Variants in PTPRD observed in about 807,000 individuals in gnomAD.
The protein encoded by PTPRD is receptor-type tyrosine-protein phosphatase delta.
A neutral mutation model predicts 214.5 loss-of-function variants in PTPRD; 34 were observed. The observed-to-expected ratio is 0.16, with a 90% CI of 0.12 to 0.21. PTPRD has a LOEUF of 0.21. PTPRD is among the 10% of genes least tolerant of loss of function. The pLI, the probability that PTPRD is intolerant of heterozygous loss-of-function variation, is 1.00. For synonymous variants in PTPRD, 1,128 were observed against 845.7 expected, an observed-to-expected ratio of 1.33 and a Z score of -5.79; for missense variants, 2,545 against 2,398.7, an observed-to-expected ratio of 1.06 and a Z score of -1.27.
chr9:9,101,830 T>C (rs572108420), intron 10 of PTPRD, among the ~76,000 whole-genome samples: 4 of 152,232 alleles, frequency 2.6e-5, no homozygotes, highest in Non-Finnish European at 5.9e-5. Context: ...ATCATACATA[T>C]AGAAAATCTT....
At chr9:9,156,724 C>T (rs569636088) in intron 10 of PTPRD, among the ~76,000 whole-genome samples, 1 of 148,294 alleles carries the variant, frequency 6.7e-6, no homozygotes, top group African/African-American at 2.4e-5. Context: ...CTCTTTCCAT[C>T]TTAGGGTTCT....
chr9:9,451,260 C>T (rs1293985866), intron 8 of PTPRD, among the ~76,000 whole-genome samples: 1 of 151,666 alleles, frequency 6.6e-6, no homozygotes, highest in Non-Finnish European at 1.5e-5. Flanking sequence ...GGAACAGCAA[C>T]TCAGTATAAG....
intron 9 of PTPRD, among the ~76,000 whole-genome samples, chr9:9,368,241 C>T (rs1392222293): frequency 1.3e-5 from 2 of 151,734 alleles, no homozygotes; most frequent in Non-Finnish European, 2.9e-5. Flanking sequence ...CATTATTGGG[C>T]CTTATCTCCT....
At chr9:8,810,055 A>G (rs2096770154) in intron 11 of PTPRD, among the ~76,000 whole-genome samples, 1 of 152,214 alleles carries the variant, frequency 6.6e-6, no homozygotes, top group South Asian at 2.1e-4. Context: ...CCTAATGGAT[A>G]TGACAAACAT....
intron 3 of PTPRD, among the ~76,000 whole-genome samples, chr9:10,270,236 T>A (rs2094341596): frequency 9.3e-6 from 1 of 107,820 alleles, no homozygotes; most frequent in South Asian, 3.0e-4. Context: ...GATTATTATA[T>A]CATAAATGTT....
At chr9:8,585,837 G>A (rs551134507) in intron 14 of PTPRD, among the ~76,000 whole-genome samples, 4 of 152,262 alleles carry the variant, frequency 2.6e-5, no homozygotes, top group African/African-American at 9.6e-5. Context: ...CTATGAGGTA[G>A]ACTATGTTCT....
chr9:9,833,904 T>A (rs1430339402), intron 5 of PTPRD, among the ~76,000 whole-genome samples: 1 of 152,042 alleles, frequency 6.6e-6, no homozygotes, highest in African/African-American at 2.4e-5. Flanking sequence ...TGTCCACATT[T>A]CATATTGCTC....
intron 4 of PTPRD, among the ~76,000 whole-genome samples, chr9:9,967,461 G>C (rs1190674629): frequency 1.3e-5 from 2 of 152,282 alleles, no homozygotes; most frequent in African/African-American, 2.4e-5. Flanking sequence ...CATTGGTTGA[G>C]AGAGGGAAGG....
At chr9:8,724,358 A>G (rs1416105207) in intron 12 of PTPRD, among the ~76,000 whole-genome samples, 1 of 152,174 alleles carries the variant, frequency 6.6e-6, no homozygotes, top group Non-Finnish European at 1.5e-5. Flanking sequence ...ATTTTAAAAA[A>G]TGTTTAAGTG....
Position 9,234,350 on chromosome 9 carries a change from C to T in PTPRD, c.-202-50987G>A, listed in dbSNP as rs545278255. 4.0e-4 allele frequency among the ~76,000 whole-genome samples: 61 copies of T among 152,274 alleles called. 2 individuals are homozygous for T. In the South Asian group the frequency reaches 0.012, roughly 31 times the overall value. Reference sequence around the variant, plus strand: ...CTGAGGATGCATAGAGTGGGCGGGCCCTGGGCCCAGCCCATGAAACCATTT... The same window carrying T: ...CTGAGGATGCATAGAGTGGGCGGGCTCTGGGCCCAGCCCATGAAACCATTT... On this transcript the variant is annotated intron_variant, in intron 9 of 45. Transcript: ENST00000381196.
intron 11 of PTPRD, among the ~76,000 whole-genome samples, chr9:8,801,445 A>C (rs1194496664): frequency 6.6e-6 from 1 of 152,214 alleles, no homozygotes; most frequent in Non-Finnish European, 1.5e-5. Flanking sequence ...GGCCAAGCAC[A>C]GTGGCTCACG....
chr9:9,275,102 A>ATT (rs1356178509), intron 9 of PTPRD, among the ~76,000 whole-genome samples: 1 of 60,706 alleles, frequency 1.6e-5, no homozygotes, highest in Non-Finnish European at 3.1e-5. Context: ...TTATATATAT[A>ATT]ATATATTATA....
At chr9:10,556,192 G>A (rs972549692) in intron 2 of PTPRD, among the ~76,000 whole-genome samples, 2 of 151,916 alleles carry the variant, frequency 1.3e-5, no homozygotes, top group Non-Finnish European at 2.9e-5. Context: ...AAATAGGACT[G>A]ATCTAAATGT....
At chr9:9,968,071 A>G (rs1022059867) in intron 4 of PTPRD, among the ~76,000 whole-genome samples, 1 of 152,200 alleles carries the variant, frequency 6.6e-6, no homozygotes, top group Admixed American at 6.5e-5. Context: ...ACACAGGTCC[A>G]TTACTTTAAA....
chr9:9,274,085 T>C (rs559155667), intron 9 of PTPRD, among the ~76,000 whole-genome samples: 6 of 151,320 alleles, frequency 4.0e-5, no homozygotes, highest in African/African-American at 1.4e-4. Context: ...ACTATTTTTT[T>C]AAAATTCTCT....
chr9:9,379,878 C>G (rs188471778), intron 9 of PTPRD, among the ~76,000 whole-genome samples: 4 of 151,940 alleles, frequency 2.6e-5, no homozygotes, highest in East Asian at 1.9e-4. Flanking sequence ...GTATCTTAAC[C>G]TTGTATATGG....
At chr9:9,200,288 T>C (rs184377657) in intron 9 of PTPRD, among the ~76,000 whole-genome samples, 1 of 152,354 alleles carries the variant, frequency 6.6e-6, no homozygotes, top group East Asian at 1.9e-4. Context: ...CTTTTTGTTA[T>C]GTGAGATGAA....
intron 7 of PTPRD, among the ~76,000 whole-genome samples, chr9:9,619,454 CTATGTGTGGGTA>C (rs1198852225): frequency 1.3e-5 from 2 of 148,200 alleles, no homozygotes; most frequent in African/African-American, 4.9e-5. Flanking sequence ...ATAAGCATGT[CTATGTGTGGGTA>C]TATATTCACA....
At chr9:9,064,778 T>C (rs1287237781) in intron 10 of PTPRD, among the ~76,000 whole-genome samples, 1 of 152,216 alleles carries the variant, frequency 6.6e-6, no homozygotes, top group African/African-American at 2.4e-5. Context: ...AATGCTTCAT[T>C]AAGAAACTAG....
Sources: allele counts gnomAD v4.1 joint callset (sites outside exome capture counted in the v4.1 genomes callset), GRCh38; gene constraint gnomAD v4.1.1; transcripts MANE v1.5; gene names NCBI Gene and HGNC (gene_info 2026-07-23, HGNC 2026-07-21).